Variants in MAP4K5 observed in about 807,000 individuals in gnomAD.
MAP4K5 encodes the protein mitogen-activated protein kinase kinase kinase kinase 5.
Under a neutral mutation model 135.6 loss-of-function variants are expected in MAP4K5, and 82 were observed. The observed-to-expected ratio is 0.60, with a 90% CI of 0.51 to 0.73. The LOEUF is 0.73. Among genes scored for constraint, MAP4K5 ranks in the 30% least tolerant of loss-of-function variants. The pLI, the probability that MAP4K5 is intolerant of heterozygous loss-of-function variation, is 0.00. For synonymous variants in MAP4K5, 347 were observed against 335.0 expected (o/e 1.04, Z -0.39); for missense variants, 907 against 1,010.9 (o/e 0.90, Z 1.39).
chr14:50,483,201 A>G (rs1483850475), intron 5 of MAP4K5: 2 of 152,214 alleles, frequency 1.3e-5, no homozygotes, highest in African/African-American at 4.8e-5. Flanking sequence ...TACCACACCT[A>G]TCAAAAGAGA....
At chr14:50,458,732 C>T (rs964544618) in intron 13 of MAP4K5, among the ~76,000 whole-genome samples, 4 of 152,100 alleles carry the variant, frequency 2.6e-5, no homozygotes, top group Non-Finnish European at 1.5e-5. Flanking sequence ...CTTGGGTGAT[C>T]GATCACATTT....
intron 3 of MAP4K5, among the ~76,000 whole-genome samples, chr14:50,495,057 CA>C (rs2037564753): frequency 6.6e-6 from 1 of 151,976 alleles, no homozygotes; most frequent in African/African-American, 2.4e-5. Flanking sequence ...GCACAGGCAA[CA>C]AAAAACAGAC....
rs1018564483 is a variant in MAP4K5, at chr14:50,426,744, A to T, written c.2327-767T>A. On this transcript the variant is annotated intron_variant, in intron 30 of 32. Transcript: ENST00000682126. ...GTCTCAAACAAAATAAATAAATAAAAAATAAAATAAAATAAACCTGCCCCA... is the reference window on the plus strand; with the variant it reads ...GTCTCAAACAAAATAAATAAATAAATAATAAAATAAAATAAACCTGCCCCA... Among the ~76,000 whole-genome samples, 10 of 152,284 alleles carry T rather than the reference A, an allele frequency of 6.6e-5. No homozygotes were observed. The South Asian group carries it at 8.3e-4, about 13-fold the overall frequency.
At chr14:50,487,383 G>A (rs1345811718) in intron 3 of MAP4K5, among the ~76,000 whole-genome samples, 1 of 152,180 alleles carries the variant, frequency 6.6e-6, no homozygotes, top group East Asian at 1.9e-4. Context: ...ATAATCATTG[G>A]AACTTTTTTT....
chr14:50,559,036 T>A (rs1005923866), intron 1 of MAP4K5: 4 of 152,216 alleles, frequency 2.6e-5, no homozygotes, highest in African/African-American at 9.7e-5. Context: ...GAGGATAACC[T>A]TAGGCAGTTA....
chr14:50,514,494 C>A (rs1432503755), intron 2 of MAP4K5, among the ~76,000 whole-genome samples: 1 of 152,156 alleles, frequency 6.6e-6, no homozygotes, highest in Middle Eastern at 3.2e-3. Context: ...CAGTTCCTGT[C>A]TTCCGAAAAC....
At chr14:50,508,534 G>A (rs1376372677) in intron 2 of MAP4K5, among the ~76,000 whole-genome samples, 4 of 152,030 alleles carry the variant, frequency 2.6e-5, no homozygotes, top group Non-Finnish European at 5.9e-5. Context: ...CTTGGACACA[G>A]GGTGGAGAAC....
intron 30 of MAP4K5, among the ~76,000 whole-genome samples, chr14:50,426,276 G>C (rs1555349140): frequency 1.3e-5 from 2 of 152,038 alleles, no homozygotes; most frequent in Non-Finnish European, 2.9e-5. Flanking sequence ...AAGATACAGT[G>C]TATCTTTTGT....
chr14:50,537,892 T>G (rs1262041730), intron 2 of MAP4K5, among the ~76,000 whole-genome samples: 11 of 152,216 alleles, frequency 7.2e-5, no homozygotes, highest in Admixed American at 7.2e-4. Flanking sequence ...TGGAAGGGAC[T>G]TGCCTTTGTC....
At chr14:50,499,178 T>C (rs2037655320) in intron 3 of MAP4K5, among the ~76,000 whole-genome samples, 1 of 151,356 alleles carries the variant, frequency 6.6e-6, no homozygotes, top group East Asian at 1.9e-4. Context: ...GAATTTGTTT[T>C]GAAAGAAAAT....
intron 1 of MAP4K5, among the ~76,000 whole-genome samples, chr14:50,556,353 C>T (rs1424743574): frequency 6.6e-6 from 1 of 151,830 alleles, no homozygotes; most frequent in Admixed American, 6.6e-5. Context: ...GTAGCTGGGA[C>T]TGCAGGTGCA....
At chr14:50,502,800 A>G (rs574844989) in intron 3 of MAP4K5, among the ~76,000 whole-genome samples, 4 of 152,236 alleles carry the variant, frequency 2.6e-5, no homozygotes, top group African/African-American at 9.6e-5. Context: ...TATGACAACC[A>G]AGGCACTTCA....
intron 2 of MAP4K5, among the ~76,000 whole-genome samples, chr14:50,520,711 C>A (rs1372806992): frequency 3.3e-5 from 5 of 151,622 alleles, no homozygotes; most frequent in African/African-American, 1.2e-4. Flanking sequence ...AAAGTTCCAA[C>A]AAAATGAGGA....
chr14:50,505,544 T>C (rs932037358), intron 2 of MAP4K5, among the ~76,000 whole-genome samples: 1 of 152,182 alleles, frequency 6.6e-6, no homozygotes, highest in Admixed American at 6.5e-5. Context: ...TTTAACACAA[T>C]ATCAACAAAC....
At chr14:50,555,053 G>A (rs1200026957) in intron 1 of MAP4K5, among the ~76,000 whole-genome samples, 1 of 152,298 alleles carries the variant, frequency 6.6e-6, no homozygotes, top group East Asian at 1.9e-4. Context: ...GTGGGACATG[G>A]TAGGTCAATG....
At chr14:50,423,653 T>TGA (rs2035781842) in intron 31 of MAP4K5, among the ~76,000 whole-genome samples, 3 of 152,172 alleles carry the variant, frequency 2.0e-5, no homozygotes, top group Non-Finnish European at 4.4e-5. Flanking sequence ...CCTGTAGTCC[T>TGA]AGCTGCTCAG....
In MAP4K5 at chr14:50,419,086, A is replaced by G. The variant is rs922477633; in HGVS notation, c.*933T>C. ...CTCTCTGGCATAGTATAAGTAAAAT[A>G]CATATCATGGGCAATTAAATACTTC... On this transcript the variant is annotated 3_prime_UTR_variant, in exon 33 of 33. Transcript: ENST00000682126. 1 of 152,172 alleles carries G rather than the reference A, an allele frequency of 6.6e-6. No homozygotes were observed. The highest frequency in any genetic ancestry group is 2.4e-5 in the African/African-American group (1 of 41,444). The allele number at this position is 152,172 out of a possible 1,614,324, so 9.4% of individuals were successfully genotyped here. A position where few individuals can be genotyped will look rare whatever the true frequency, so the allele number is the denominator to read the frequency against.
Position 50,531,995 on chromosome 14 carries a change from C to A in MAP4K5, c.55G>T (p.Asp19Tyr). Residue 19 changes from aspartate to tyrosine, a missense_variant, in exon 2 of 33, where the codon GAC (aspartate) becomes TAC (tyrosine). By Grantham distance (160) the Asp-to-Tyr change is radical. Transcript: ENST00000682126. ...ADILRRNPQQ[D>Y]YELVQRVGSG... The stretch of plus-strand genomic sequence containing the variant: ...CCGACCCTCTGGACGAGTTCGTAGT[C>A]CTGCTGCGGGTTCCGCCTCAGGATG... 6.2e-7 allele frequency: 1 copy of A among 1,602,684 alleles called. No homozygotes were observed. The highest frequency in any genetic ancestry group is 8.5e-7 in the Non-Finnish European group (1 of 1,174,774).
chr14:50,446,865 T>A (rs1355121162), intron 16 of MAP4K5, among the ~76,000 whole-genome samples: 1 of 152,212 alleles, frequency 6.6e-6, no homozygotes, highest in Non-Finnish European at 1.5e-5. Context: ...ACACTGAAAT[T>A]TGAATTTCAT....
Sources: allele counts gnomAD v4.1 joint callset (sites outside exome capture counted in the v4.1 genomes callset), GRCh38; gene constraint gnomAD v4.1.1; transcripts MANE v1.5; gene names NCBI Gene and HGNC (gene_info 2026-07-23, HGNC 2026-07-21).